Variants in ZNF326 observed in about 807,000 individuals in gnomAD.
ZNF326 encodes DBIRD complex subunit ZNF326.
ZNF326 carries 30 observed loss-of-function variants against 63.1 expected under a neutral mutation model. The observed-to-expected ratio is 0.48, with a 90% confidence interval of 0.36 to 0.64. ZNF326 has a LOEUF of 0.64. Among genes scored for constraint, ZNF326 ranks in the 30% least tolerant of loss-of-function variants. The pLI is 0.00. For missense variants in ZNF326, 609 were observed against 720.3 expected, an observed-to-expected ratio of 0.85 and a Z score of 1.77; for synonymous variants, 194 against 228.2, an observed-to-expected ratio of 0.85 and a Z score of 1.35.
chr1:90,002,615 T>C (rs1351639329), intron 2 of ZNF326, among the ~76,000 whole-genome samples: 1 of 152,226 alleles, frequency 6.6e-6, no homozygotes, highest in Non-Finnish European at 1.5e-5. Context: ...AATCTGGGAC[T>C]GTGTTGTCCA....
chr1:90,012,759 G>T (rs1344011961), intron 6 of ZNF326, among the ~76,000 whole-genome samples: 3 of 152,090 alleles, frequency 2.0e-5, no homozygotes, highest in African/African-American at 7.2e-5. Context: ...TTCATGCTCG[G>T]TCAGGTTACT....
intron 1 of ZNF326, 146 bp downstream of exon 1, chr1:89,995,419 A>T (rs1247585510): frequency 8.7e-7 from 1 of 1,146,990 alleles, no homozygotes; most frequent in Admixed American, 3.9e-5. Flanking sequence ...CAGCGCCCGG[A>T]GTCGGCCTCT....
Position 90,034,849 on chromosome 1 carries a change from ATTTGTTG to A in ZNF326, c.*7149_*7155del, listed in dbSNP as rs1650420886. The A allele has an allele frequency of 1.3e-5, 2 of 152,160 alleles. No homozygotes were observed. The highest frequency in any genetic ancestry group is 4.8e-5 in the African/African-American group (2 of 41,450). 9.4% of individuals were successfully genotyped at this position (152,160 alleles called of 1,614,324 possible). On this transcript the variant is annotated 3_prime_UTR_variant, in exon 12 of 12. Transcript: ENST00000340281. Reference sequence around the variant, plus strand: ...CCAGTCTCACTTACGAACAAATGTAATTTGTTGAAACTGGTCATGTTGAAAAAACATG... The same window carrying A: ...CCAGTCTCACTTACGAACAAATGTAAAAACTGGTCATGTTGAAAAAACATG...
intron 7 of ZNF326, 103 bp downstream of exon 7, chr1:90,013,340 A>G: frequency 1.1e-6 from 1 of 877,980 alleles, no homozygotes; most frequent in Non-Finnish European, 1.6e-6. Context: ...ATTCAAATGA[A>G]AAGACTTGTT....
intron 2 of ZNF326, among the ~76,000 whole-genome samples, chr1:90,000,637 G>A (rs563993089): frequency 1.3e-5 from 2 of 152,278 alleles, no homozygotes; most frequent in East Asian, 3.9e-4. Flanking sequence ...CCCAGGAGGT[G>A]GAGGCTGCAG....
At chr1:90,014,564 G>A (rs1041029212) in intron 7 of ZNF326, among the ~76,000 whole-genome samples, 1 of 152,134 alleles carries the variant, frequency 6.6e-6, no homozygotes, top group African/African-American at 2.4e-5. Flanking sequence ...AAATTTGTTG[G>A]TGACAGTATA....
chr1:90,003,145 T>C (rs890285613), intron 2 of ZNF326, among the ~76,000 whole-genome samples: 28 of 150,708 alleles, frequency 1.9e-4, no homozygotes, highest in African/African-American at 5.2e-4. Flanking sequence ...TTTTTTTTTT[T>C]CTTTGAGACG....
At chr1:90,001,940 G>A (rs568955447) in intron 2 of ZNF326, among the ~76,000 whole-genome samples, 20 of 152,180 alleles carry the variant, frequency 1.3e-4, no homozygotes, top group African/African-American at 3.4e-4. Flanking sequence ...ATTTTTGAGC[G>A]TATTATTTGT....
chr1:90,024,874 T>C (rs1411599599), intron 11 of ZNF326, among the ~76,000 whole-genome samples: 1 of 152,148 alleles, frequency 6.6e-6, no homozygotes, highest in Non-Finnish European at 1.5e-5. Context: ...CTTAGATATA[T>C]CTTTCCTTCA....
intron 5 of ZNF326, among the ~76,000 whole-genome samples, chr1:90,009,316 A>C (rs754650902): frequency 2.0e-5 from 3 of 152,120 alleles, no homozygotes; most frequent in Non-Finnish European, 2.9e-5. Flanking sequence ...TTCTAAAAGT[A>C]AGATTAGCAG....
chr1:90,010,434 T>C, intron 6 of ZNF326, 148 bp downstream of exon 6: 2 of 829,522 alleles, frequency 2.4e-6, no homozygotes, highest in South Asian at 3.8e-5. Flanking sequence ...CCTATTGCAG[T>C]TAATAATTGG....
intron 7 of ZNF326, among the ~76,000 whole-genome samples, chr1:90,015,817 A>G (rs1447976869): frequency 6.6e-6 from 1 of 152,240 alleles, no homozygotes; most frequent in Non-Finnish European, 1.5e-5. Flanking sequence ...ATGGCTTGCC[A>G]TCAAAGCAAA....
At chr1:90,005,898 A>T in intron 4 of ZNF326, 2 of 985,464 alleles carry the variant, frequency 2.0e-6, no homozygotes, top group Non-Finnish European at 2.4e-6. Flanking sequence ...GATTGTATTT[A>T]TATTTTCCTG....
In ZNF326 at chr1:90,028,169, T is replaced by C. The variant is rs1320595575; in HGVS notation, c.*468T>C. 6.4e-6 allele frequency: 1 copy of C among 156,072 alleles called. No individual in the cohort carries two copies. The highest frequency in any genetic ancestry group is 1.4e-5 in the Non-Finnish European group (1 of 70,498). The allele number at this position is 156,072 out of a possible 1,614,324, so 9.7% of individuals were successfully genotyped here. Reference sequence around the variant, plus strand: ...AATAGTAATTTGCGTTAAGATACGCTTAAAGGCTCTTTGTGACCATGTTTC... The same window carrying C: ...AATAGTAATTTGCGTTAAGATACGCCTAAAGGCTCTTTGTGACCATGTTTC... On this transcript the variant is annotated 3_prime_UTR_variant, in exon 12 of 12. Transcript: ENST00000340281.
chr1:90,025,510 C>A (rs777746994), intron 11 of ZNF326, among the ~76,000 whole-genome samples: 1 of 152,162 alleles, frequency 6.6e-6, no homozygotes, highest in Non-Finnish European at 1.5e-5. Flanking sequence ...AATTTTGATT[C>A]AGGCAGTCTG....
intron 4 of ZNF326, chr1:90,005,782 T>G: frequency 1.0e-6 from 1 of 984,740 alleles, no homozygotes; most frequent in Non-Finnish European, 1.2e-6. Flanking sequence ...TTTTTAAAAT[T>G]ATGTTCAGGT....
intron 5 of ZNF326, among the ~76,000 whole-genome samples, chr1:90,008,128 C>G (rs1649074943): frequency 6.6e-6 from 1 of 152,148 alleles, no homozygotes; most frequent in South Asian, 2.1e-4. Context: ...GTTAAAGGTG[C>G]AATGTATGAT....
intron 4 of ZNF326, chr1:90,005,712 T>G: frequency 2.0e-6 from 2 of 985,032 alleles, no homozygotes; most frequent in Non-Finnish European, 2.4e-6. Flanking sequence ...CAAGAAACAT[T>G]CAGGACATAT....
At position 89,995,201 on chromosome 1, in the gene ZNF326, G is replaced by T; in HGVS notation, c.-57G>T. 2 of 1,523,558 alleles carry T rather than the reference G, an allele frequency of 1.3e-6. No homozygotes were observed. 94.4% of individuals were successfully genotyped at this position (1,523,558 alleles called of 1,614,324 possible). A position where few individuals can be genotyped will look rare whatever the true frequency, so the allele number is the denominator to read the frequency against. Reference sequence around the variant, plus strand: ...GTGGAATCGCGGGTCGCGGACGCTCGCCGCCGGCCATAGCTCAGCCTAGCG... The same window carrying T: ...GTGGAATCGCGGGTCGCGGACGCTCTCCGCCGGCCATAGCTCAGCCTAGCG... On this transcript the variant is annotated 5_prime_UTR_variant, in exon 1 of 12. Coordinates refer to ENST00000340281, the MANE Select transcript of ZNF326 (RefSeq NM_182976.4).
Sources: allele counts gnomAD v4.1 joint callset (sites outside exome capture counted in the v4.1 genomes callset), GRCh38; gene constraint gnomAD v4.1.1; transcripts MANE v1.5; gene names NCBI Gene and HGNC (gene_info 2026-07-23, HGNC 2026-07-21).